Variants in PLEKHF2 observed in about 807,000 individuals in gnomAD.
PLEKHF2 encodes the protein pleckstrin homology domain-containing family F member 2.
Under a neutral mutation model 14.7 loss-of-function variants are expected in PLEKHF2, and 4 were observed. The ratio of observed to expected loss-of-function variants is 0.27; its 90% CI spans 0.13 to 0.62. The LOEUF is 0.62. Among genes scored for constraint, PLEKHF2 ranks in the 20% least tolerant of loss-of-function variants. The probability of loss-of-function intolerance (pLI) is 0.85; values close to 1 mark genes in which losing one functional copy is unlikely to be tolerated. For missense variants in PLEKHF2, 201 were observed against 307.7 expected, an observed-to-expected ratio of 0.65 and a Z score of 2.60; for synonymous variants, 90 against 103.5, an observed-to-expected ratio of 0.87 and a Z score of 0.79.
intron 1 of PLEKHF2, among the ~76,000 whole-genome samples, chr8:95,138,353 TCC>T (rs61519066): frequency 4.9e-4 from 35 of 71,892 alleles, no homozygotes; most frequent in Middle Eastern, 0.014. Flanking sequence ...TTCTTCATCT[TCC>T]CCCCCCCCCC....
At chr8:95,141,436 G>A (rs1056329017) in intron 1 of PLEKHF2, among the ~76,000 whole-genome samples, 1 of 152,172 alleles carries the variant, frequency 6.6e-6, no homozygotes, top group African/African-American at 2.4e-5. Context: ...TCAGAAGGAA[G>A]TCTTAGATAT....
At chr8:95,143,252 A>G (rs1156424085) in intron 1 of PLEKHF2, among the ~76,000 whole-genome samples, 2 of 151,880 alleles carry the variant, frequency 1.3e-5, no homozygotes, top group Non-Finnish European at 2.9e-5. Context: ...GGCGCCCGCT[A>G]CCGTGCCCGG....
Position 95,147,830 on chromosome 8 carries a change from A to T in PLEKHF2, c.-14-6201A>T, listed in dbSNP as rs1015988184. On this transcript the variant is annotated intron_variant, in intron 1 of 1. Coordinates refer to ENST00000315367, the MANE Select transcript of PLEKHF2 (RefSeq NM_024613.4). ...TTTCATTTAACATATTTGGGAATTC[A>T]TATTTTTTCATTTTTTATTTTCTGT... is the stretch of plus-strand genomic sequence containing the variant. 9.2e-5 allele frequency among the ~76,000 whole-genome samples: 14 copies of T among 152,012 alleles called. No homozygotes were observed. In the East Asian group the frequency reaches 2.5e-3, roughly 27 times the overall value.
intron 1 of PLEKHF2, among the ~76,000 whole-genome samples, chr8:95,139,232 G>A (rs1331090739): frequency 1.3e-5 from 2 of 152,040 alleles, no homozygotes; most frequent in African/African-American, 2.4e-5. Flanking sequence ...GGCCGGGTGC[G>A]GTGGCTCACA....
At chr8:95,146,828 A>G (rs1409539070) in intron 1 of PLEKHF2, among the ~76,000 whole-genome samples, 2 of 152,118 alleles carry the variant, frequency 1.3e-5, no homozygotes, top group Non-Finnish European at 1.5e-5. Context: ...AAAAAGTCAA[A>G]TGGAAAACTG....
chr8:95,142,398 G>A (rs982613245), intron 1 of PLEKHF2, among the ~76,000 whole-genome samples: 1 of 152,128 alleles, frequency 6.6e-6, no homozygotes, highest in South Asian at 2.1e-4. Flanking sequence ...GGGACCACAA[G>A]TGCACACCGC....
chr8:95,141,789 C>T (rs1810443800), intron 1 of PLEKHF2, among the ~76,000 whole-genome samples: 1 of 151,810 alleles, frequency 6.6e-6, no homozygotes, highest in Non-Finnish European at 1.5e-5. Flanking sequence ...ATCTGGTTGC[C>T]TCGGCCTTCT....
At chr8:95,142,841 A>AT (rs1289784355) in intron 1 of PLEKHF2, among the ~76,000 whole-genome samples, 1 of 152,126 alleles carries the variant, frequency 6.6e-6, no homozygotes, top group Non-Finnish European at 1.5e-5. Context: ...GGGCCACAAC[A>AT]TTTGCTTGTA....
At chr8:95,151,510 C>T (rs1483226898) in intron 1 of PLEKHF2, among the ~76,000 whole-genome samples, 7 of 151,572 alleles carry the variant, frequency 4.6e-5, no homozygotes, top group African/African-American at 1.7e-4. Flanking sequence ...AAAGGCCTTT[C>T]CTGACCATGT....
chr8:95,156,647 T>C lies in PLEKHF2; in HGVS notation c.*1853T>C, dbSNP rs767238228. 2 of 167,068 alleles carry C rather than the reference T, an allele frequency of 1.2e-5. No individual in the cohort carries two copies. The highest frequency in any genetic ancestry group is 2.9e-5 in the Non-Finnish European group (2 of 68,120). The allele number at this position is 167,068 out of a possible 1,614,324, so 10.3% of individuals were successfully genotyped here. On this transcript the variant is annotated 3_prime_UTR_variant, in exon 2 of 2. Coordinates refer to ENST00000315367, the MANE Select transcript of PLEKHF2 (RefSeq NM_024613.4). ...ATAACATTTACATTGTCAACCTTTA[T>C]TGACTTTGTTTTTACAATAAAAAAT...
intron 1 of PLEKHF2, among the ~76,000 whole-genome samples, chr8:95,142,727 G>T (rs1219156890): frequency 6.6e-6 from 1 of 152,106 alleles, no homozygotes; most frequent in Non-Finnish European, 1.5e-5. Context: ...GCTTTTTGGA[G>T]AAAGAAATCA....
chr8:95,138,353 T>TCCCCC (rs61519066), intron 1 of PLEKHF2, among the ~76,000 whole-genome samples: 17 of 71,892 alleles, frequency 2.4e-4, no homozygotes, highest in African/African-American at 8.0e-4. Context: ...TTCTTCATCT[T>TCCCCC]CCCCCCCCCC....
chr8:95,151,176 TTCA>T (rs1403688885), intron 1 of PLEKHF2, among the ~76,000 whole-genome samples: 1 of 152,092 alleles, frequency 6.6e-6, no homozygotes, highest in African/African-American at 2.4e-5. Flanking sequence ...CTCTAGTAAC[TTCA>T]TAGGCATTTC....
At chr8:95,136,089 T>C (rs924467033) in intron 1 of PLEKHF2, among the ~76,000 whole-genome samples, 1 of 152,192 alleles carries the variant, frequency 6.6e-6, no homozygotes, top group Admixed American at 6.5e-5. Flanking sequence ...GACATCTCCT[T>C]GACAGCAGGC....
Position 95,133,926 on chromosome 8 carries a change from A to G in PLEKHF2, c.-119A>G, listed in dbSNP as rs79400542. The G allele has an allele frequency of 2.0e-3, 309 of 151,574 alleles. 10 individuals are homozygous for G. The East Asian group carries it at 0.055, about 27-fold the overall frequency. The allele number at this position is 151,574 out of a possible 1,614,324, so 9.4% of individuals were successfully genotyped here. A position where few individuals can be genotyped will look rare whatever the true frequency, so the allele number is the denominator to read the frequency against. Reference sequence around the variant, plus strand: ...GGGCTGCGGACAGCACACACCCTGGAAGGCCCCGGCGGGGAACGGGCAGAG... The same window carrying G: ...GGGCTGCGGACAGCACACACCCTGGGAGGCCCCGGCGGGGAACGGGCAGAG... On this transcript the variant is annotated 5_prime_UTR_variant, in exon 1 of 2. Transcript: ENST00000315367.
At chr8:95,146,662 G>A (rs951039934) in intron 1 of PLEKHF2, among the ~76,000 whole-genome samples, 1 of 152,082 alleles carries the variant, frequency 6.6e-6, no homozygotes. Context: ...GTTCTTGTCT[G>A]TAGTGTGAAG....
At chr8:95,136,657 T>G (rs1479360552) in intron 1 of PLEKHF2, among the ~76,000 whole-genome samples, 1 of 152,232 alleles carries the variant, frequency 6.6e-6, no homozygotes, top group Admixed American at 6.5e-5. Context: ...TATAGCTCTA[T>G]CAATTATTGT....
rs979722210 is a variant in PLEKHF2 at position 95,146,324 on chromosome 8, A to G, written c.-14-7707A>G. 2.6e-5 allele frequency among the ~76,000 whole-genome samples: 4 copies of G among 152,224 alleles called. No homozygotes were observed. In the South Asian group the frequency reaches 8.3e-4, roughly 31 times the overall value. The stretch of plus-strand genomic sequence containing the variant: ...TCATTGGTTTTTCACTATAATGCAC[A>G]GTTGAATACTGAAGCTCACTGGTAA... On this transcript the variant is annotated intron_variant, in intron 1 of 1. Transcript: ENST00000315367.
chr8:95,151,104 C>CTTGTGCCTTAA (rs1810557409), intron 1 of PLEKHF2, among the ~76,000 whole-genome samples: 1 of 152,118 alleles, frequency 6.6e-6, no homozygotes, highest in East Asian at 1.9e-4. Context: ...GCCTTAATTT[C>CTTGTGCCTTAA]TTCATCAGCT....
Sources: allele counts gnomAD v4.1 joint callset (sites outside exome capture counted in the v4.1 genomes callset), GRCh38; gene constraint gnomAD v4.1.1; transcripts MANE v1.5; gene names NCBI Gene and HGNC (gene_info 2026-07-23, HGNC 2026-07-21).